TNNI1: variants seen among roughly 807,000 people sequenced by gnomAD.
The protein encoded by TNNI1 is troponin I, slow skeletal muscle.
A neutral mutation model predicts 26.7 loss-of-function variants in TNNI1; 14 were observed. The observed-to-expected ratio is 0.52, with a 90% CI of 0.35 to 0.82. The LOEUF is 0.82. TNNI1 is among the 40% of genes least tolerant of loss of function. The pLI is 0.01. For missense variants in TNNI1, 164 were observed against 257.0 expected, an observed-to-expected ratio of 0.64 and a Z score of 2.47; for synonymous variants, 79 against 98.2, an observed-to-expected ratio of 0.80 and a Z score of 1.16.
intron 4 of TNNI1, 105 bp from the exon 5 acceptor site, chr1:201,414,754 C>A: frequency 6.5e-7 from 1 of 1,542,894 alleles, no homozygotes; most frequent in South Asian, 1.2e-5. Context: ...AGACCACTGT[C>A]CAGTGTAGAA....
intron 1 of TNNI1, among the ~76,000 whole-genome samples, chr1:201,420,433 C>T (rs773503647): frequency 6.6e-6 from 1 of 152,094 alleles, no homozygotes; most frequent in Non-Finnish European, 1.5e-5. Flanking sequence ...AATCCTCCCC[C>T]CGAGGGGGGG....
At chr1:201,415,127 A>G (rs1374083798) in intron 4 of TNNI1, 86 bp downstream of exon 4, 1 of 1,261,576 alleles carries the variant, frequency 7.9e-7, no homozygotes, top group Non-Finnish European at 1.2e-6. Flanking sequence ...TCTCCTTGCC[A>G]TAATCCTCCA....
chr1:201,412,786 AG>A (rs1198012563), intron 6 of TNNI1, among the ~76,000 whole-genome samples: 3 of 152,242 alleles, frequency 2.0e-5, no homozygotes, highest in Admixed American at 2.0e-4. Context: ...GGATAAAGAG[AG>A]CAGCTTCTGT....
rs932208500 is a variant in TNNI1, at chr1:201,411,278, G to A, written c.456+79C>T. The stretch of plus-strand genomic sequence containing the variant: ...GTCTCCAACAGGAGCTCCTGGGCCA[G>A]CCTGAGGCCATGTGAGGGGTTGACA... On this transcript the variant is annotated intron_variant, in intron 7 of 8. Transcript: ENST00000361379. The surrounding 1 kb of genome is among the most constrained non-coding windows in gnomAD (Gnocchi z 4.6). The A allele has an allele frequency of 5.9e-6, 9 of 1,531,102 alleles. No individual in the cohort carries two copies. In the African/African-American group the frequency reaches 1.1e-4, roughly 19 times the overall value. 94.8% of individuals were successfully genotyped at this position (1,531,102 alleles called of 1,614,324 possible).
At chr1:201,410,267 TC>T in intron 8 of TNNI1, 58 bp downstream of exon 8, 13 of 1,476,914 alleles carry the variant, frequency 8.8e-6, no homozygotes, top group Non-Finnish European at 1.1e-5. Flanking sequence ...CATTGTGGAC[TC>T]CCTCATTATC....
rs1662558371 is a variant in TNNI1 at position 201,408,133 on chromosome 1, C to G, written c.*1120G>C. 1 of 152,338 alleles carries G rather than the reference C, an allele frequency of 6.6e-6. No individual in the cohort carries two copies. The highest frequency in any genetic ancestry group is 1.5e-5 in the Non-Finnish European group (1 of 68,278). The allele number at this position is 152,338 out of a possible 1,614,324, so 9.4% of individuals were successfully genotyped here. A position where few individuals can be genotyped will look rare whatever the true frequency, so the allele number is the denominator to read the frequency against. ...AGTGAGTATGTTGGGGGAAGAGAGGCTGCCCCAGACCCCCCTTCCACCCCA... is the reference window on the plus strand; with the variant it reads ...AGTGAGTATGTTGGGGGAAGAGAGGGTGCCCCAGACCCCCCTTCCACCCCA... On this transcript the variant is annotated 3_prime_UTR_variant, in exon 9 of 9. Coordinates refer to ENST00000361379, the MANE Select transcript of TNNI1 (RefSeq NM_003281.4).
chr1:201,418,479 A>T (rs953108973), intron 1 of TNNI1, among the ~76,000 whole-genome samples: 4 of 152,096 alleles, frequency 2.6e-5, no homozygotes, highest in African/African-American at 9.7e-5. Flanking sequence ...AAAAAAAAAA[A>T]AAAAAAATAA....
chr1:201,418,277 T>G (rs972134726), intron 1 of TNNI1, among the ~76,000 whole-genome samples: 1 of 151,928 alleles, frequency 6.6e-6, no homozygotes, highest in Non-Finnish European at 1.5e-5. Context: ...AAGACCAGCC[T>G]GGCCAATATG....
rs370737073 is a variant in TNNI1 at position 201,413,130 on chromosome 1, C to T, written c.190-9G>A. 1.5e-4 allele frequency: 244 copies of T among 1,613,720 alleles called. No individual in the cohort carries two copies. The highest frequency in any genetic ancestry group is 2.0e-4 in the Non-Finnish European group (232 of 1,179,924). On this transcript the variant is annotated splice_polypyrimidine_tract_variant and intron_variant, in intron 5 of 8. Coordinates refer to ENST00000361379, the MANE Select transcript of TNNI1 (RefSeq NM_003281.4). ...AGCTCCCGGCACAGGTCCTGGGGGC[C>T]GCAGATGGATCATGCAGGTGTGAAG...
At chr1:201,420,928 T>G (rs1158510308) in intron 1 of TNNI1, among the ~76,000 whole-genome samples, 2 of 152,128 alleles carry the variant, frequency 1.3e-5, no homozygotes, top group Non-Finnish European at 2.9e-5. Context: ...TGGGTTACCC[T>G]GTAGATACTG....
rs1662628500 is a variant in TNNI1 at position 201,411,200 on chromosome 1, C to T, written c.456+157G>A. 6.6e-6 allele frequency among the ~76,000 whole-genome samples: 1 copy of T among 152,212 alleles called. No individual in the cohort carries two copies. The highest frequency in any genetic ancestry group is 1.5e-5 in the Non-Finnish European group (1 of 68,036). ...AGGGAGCAAATCTTCTTTCTTTCTTCCCACACTGGTCTCCCAAAGCATTCT... is the reference window on the plus strand; with the variant it reads ...AGGGAGCAAATCTTCTTTCTTTCTTTCCACACTGGTCTCCCAAAGCATTCT... On this transcript the variant is annotated intron_variant, in intron 7 of 8. Coordinates refer to ENST00000361379, the MANE Select transcript of TNNI1 (RefSeq NM_003281.4). The surrounding 1 kb of genome is among the most constrained non-coding windows in gnomAD (Gnocchi z 4.6).
At position 201,411,594 on chromosome 1, in the gene TNNI1, T is replaced by C. The variant is rs1197053609; in HGVS notation, c.280-61A>G. On this transcript the variant is annotated intron_variant, in intron 6 of 8. Coordinates refer to ENST00000361379, the MANE Select transcript of TNNI1 (RefSeq NM_003281.4). The surrounding 1 kb of genome is among the most constrained non-coding windows in gnomAD (Gnocchi z 4.6). ...GCAGCTAGCCACAGGACACCCTTCC[T>C]GAGGACCTCAGACTGCTAGGGTTCC... 1.6e-5 allele frequency: 23 copies of C among 1,462,044 alleles called. No homozygotes were observed. The highest frequency in any genetic ancestry group is 2.1e-5 in the Non-Finnish European group (23 of 1,104,990). The allele number at this position is 1,462,044 out of a possible 1,614,324, so 90.6% of individuals were successfully genotyped here. A position where few individuals can be genotyped will look rare whatever the true frequency, so the allele number is the denominator to read the frequency against.
rs117351978 is a variant in TNNI1, at chr1:201,419,363, G to A, written c.-19-1551C>T. 1.1e-4 allele frequency among the ~76,000 whole-genome samples: 16 copies of A among 152,342 alleles called. No homozygotes were observed. The East Asian group carries it at 3.1e-3, about 29-fold the overall frequency. ...CTGGACACAGGGCATTCCAATGCAGGGGAAGGGAGGAACTGTGCAAAAGCT... is the reference window on the plus strand; with the variant it reads ...CTGGACACAGGGCATTCCAATGCAGAGGAAGGGAGGAACTGTGCAAAAGCT... On this transcript the variant is annotated intron_variant, in intron 1 of 8. Coordinates refer to ENST00000361379, the MANE Select transcript of TNNI1 (RefSeq NM_003281.4).
At position 201,411,360 on chromosome 1, in the gene TNNI1, C is replaced by T. The variant is rs768820297; in HGVS notation, c.453G>A (p.Glu151=). The T allele has an allele frequency of 1.2e-6, 2 of 1,613,660 alleles. No individual in the cohort carries two copies. The highest frequency in any genetic ancestry group is 1.7e-6 in the Non-Finnish European group (2 of 1,179,880). The stretch of plus-strand genomic sequence containing the variant: ...GTTCTGAGGAAAGGGACCTCACCTT[C>T]TCTGTGTCTTCCTTCTTCACAGACT... ...NLKSVKKEDT[E]KERPVEVGDW... The change falls in exon 7 of 9, where the codon GAG becomes GAA. Residue 151 remains glutamate (E), a synonymous_variant. Coordinates refer to ENST00000361379, the MANE Select transcript of TNNI1 (RefSeq NM_003281.4). The surrounding 1 kb of genome is among the most constrained non-coding windows in gnomAD (Gnocchi z 4.6).
At chr1:201,412,918 A>G in intron 6 of TNNI1, 114 bp downstream of exon 6, 1 of 1,023,604 alleles carries the variant, frequency 9.8e-7, no homozygotes, top group Non-Finnish European at 1.5e-6. Flanking sequence ...TTCCTGCTTA[A>G]GTGGCCCCTT....
intron 5 of TNNI1, 64 bp from the exon 6 acceptor site, chr1:201,413,185 C>A (rs1662668239): frequency 6.3e-7 from 1 of 1,575,376 alleles, no homozygotes; most frequent in Non-Finnish European, 8.7e-7. Flanking sequence ...CAGTTTCCAG[C>A]CCTTGACCCT....
At chr1:201,413,223 A>G in intron 5 of TNNI1, 102 bp from the exon 6 acceptor site, 2 of 1,310,968 alleles carry the variant, frequency 1.5e-6, no homozygotes. Flanking sequence ...AAGACCTGGG[A>G]TCCAGAGAGG....
intron 3 of TNNI1, among the ~76,000 whole-genome samples, chr1:201,415,770 A>G (rs983828625): frequency 2.0e-5 from 3 of 152,240 alleles, no homozygotes; most frequent in African/African-American, 7.2e-5. Flanking sequence ...GTAGACCTCA[A>G]AACTTTTAAA....
intron 1 of TNNI1, among the ~76,000 whole-genome samples, chr1:201,418,736 G>A (rs192950694): frequency 6.6e-6 from 1 of 152,330 alleles, no homozygotes; most frequent in Admixed American, 6.5e-5. Context: ...CCGCAAGGCA[G>A]GGCAAATCCC....
Sources: allele counts gnomAD v4.1 joint callset (sites outside exome capture counted in the v4.1 genomes callset), GRCh38; gene constraint gnomAD v4.1.1; non-coding constraint Gnocchi (gnomAD v3.1); transcripts MANE v1.5; gene names NCBI Gene and HGNC (gene_info 2026-07-23, HGNC 2026-07-21).